Variants in AKAP1 observed in about 807,000 individuals in gnomAD.
The protein encoded by AKAP1 is A-kinase anchoring protein 1.
A neutral mutation model predicts 79.8 loss-of-function variants in AKAP1; 32 were observed. The observed-to-expected ratio is 0.40, with a 90% CI of 0.30 to 0.54. The LOEUF is 0.54. Among genes scored for constraint, AKAP1 ranks in the 20% least tolerant of loss-of-function variants. The pLI is 0.47. For missense variants in AKAP1, 961 were observed against 1,138.9 expected (o/e 0.84, Z 2.25); for synonymous variants, 416 against 466.7 (o/e 0.89, Z 1.40).
rs1914826333 is a variant in AKAP1, at chr17:57,105,940, G to C, written c.476G>C (p.Ser159Thr). Residue 159 changes from serine to threonine, a missense_variant, in exon 2 of 11, where the codon AGC becomes ACC. Physicochemically the swap from Ser to Thr is moderately conservative, Grantham distance 58. Transcript: ENST00000337714. ...TCCCCAAAGGGTGTACTATTCTCCAGCAAATCAGCTGAGGTGTGTAAGCAA... is the reference window on the plus strand; with the variant it reads ...TCCCCAAAGGGTGTACTATTCTCCACCAAATCAGCTGAGGTGTGTAAGCAA... ...LSSPKGVLFS[S>T]KSAEVCKQDS... 1 of 1,614,122 alleles carries C rather than the reference G, an allele frequency of 6.2e-7. No individual in the cohort carries two copies. The highest frequency in any genetic ancestry group is 1.3e-5 in the African/African-American group (1 of 74,952).
At position 57,086,070 on chromosome 17, in the gene AKAP1, T is replaced by G. The variant is rs1232208158; in HGVS notation, c.-25+672T>G. On this transcript the variant is annotated intron_variant, in intron 1 of 10. Coordinates refer to ENST00000337714, the MANE Select transcript of AKAP1 (RefSeq NM_003488.4). The surrounding 1 kb of genome is among the most constrained non-coding windows in gnomAD (Gnocchi z 5.1). ...GGACCGTTCGAACCGAATTGGGGTC[T>G]GGAGGTCGGAGGCTCAGGGGCGTCT... is the stretch of plus-strand genomic sequence containing the variant. The G allele has an allele frequency of 4.3e-6, 1 of 231,240 alleles. No individual in the cohort carries two copies. Among genetic ancestry groups the G allele is most frequent in the African/African-American group, 2.4e-5 (1 of 41,744 alleles). 14.3% of individuals were successfully genotyped at this position (231,240 alleles called of 1,614,324 possible). A position where few individuals can be genotyped will look rare whatever the true frequency, so the allele number is the denominator to read the frequency against.
In AKAP1 at chr17:57,106,545, G is replaced by A. The variant is rs781671727; in HGVS notation, c.1081G>A (p.Glu361Lys). Residue 361 changes from glutamate to lysine, a missense_variant, in exon 2 of 11, where the codon GAA becomes AAA. Transcript: ENST00000337714. ...CTCCCAAGTGATCTCAGAAGCAACC[G>A]AACAGGTGCTGGCCACCACGGTTGG... is the stretch of plus-strand genomic sequence containing the variant. Reference protein sequence around the residue: ...IISQVISEATEQVLATTVGKV... With the variant: ...IISQVISEATKQVLATTVGKV... 9 of 1,614,174 alleles carry A rather than the reference G, an allele frequency of 5.6e-6. No homozygotes were observed. Among genetic ancestry groups the A allele is most frequent in the African/African-American group, 4.0e-5 (3 of 75,022 alleles).
intron 10 of AKAP1, among the ~76,000 whole-genome samples, chr17:57,119,714 C>CA (rs1437943101): frequency 6.7e-6 from 1 of 149,530 alleles, no homozygotes; most frequent in Non-Finnish European, 1.5e-5. Context: ...GACTCTGTCT[C>CA]AAAAAACAAA....
chr17:57,103,606 C>G (rs1187425652), intron 1 of AKAP1, among the ~76,000 whole-genome samples: 2 of 152,194 alleles, frequency 1.3e-5, no homozygotes, highest in African/African-American at 4.8e-5. Context: ...GTTGTTAAAA[C>G]ATGTGCATTT....
At chr17:57,097,158 G>T (rs1200210950) in intron 1 of AKAP1, among the ~76,000 whole-genome samples, 1 of 152,090 alleles carries the variant, frequency 6.6e-6, no homozygotes, top group African/African-American at 2.4e-5. Flanking sequence ...TCCCTCCCAT[G>T]CCCAAAGATA....
chr17:57,088,697 T>C (rs558470985), intron 1 of AKAP1, among the ~76,000 whole-genome samples: 1 of 152,366 alleles, frequency 6.6e-6, no homozygotes, highest in Admixed American at 6.5e-5. Context: ...GTGTGTGTTA[T>C]CATTCAGCAT....
At chr17:57,094,031 T>TTCCTTCATTTTCTTCTTC (rs1913940501) in intron 1 of AKAP1, 1 of 152,006 alleles carries the variant, frequency 6.6e-6, no homozygotes, top group Non-Finnish European at 1.5e-5. Flanking sequence ...ATTTCTTCTT[T>TTCCTTCATTTTCTTCTTC]TCCTTCATTT....
Position 57,114,578 on chromosome 17 carries a change from G to T in AKAP1, c.2223G>T (p.Gln741His). Reference protein sequence around the residue: ...PTFHALRSLDQQMYLCYSQPG... With the variant: ...PTFHALRSLDHQMYLCYSQPG... ...TCCACGCGCTGCGCAGCCTCGACCA[G>T]CAGATGTACCTCTGTTACTCTCAGC... The change falls in exon 6 of 11, where the codon CAG becomes CAT. Residue 741 changes from glutamine to histidine, a missense_variant. Transcript: ENST00000337714. 1 of 1,614,206 alleles carries T rather than the reference G, an allele frequency of 6.2e-7. No homozygotes were observed. The highest frequency in any genetic ancestry group is 8.5e-7 in the Non-Finnish European group (1 of 1,180,036).
At chr17:57,104,709 G>T (rs560451191) in intron 1 of AKAP1, among the ~76,000 whole-genome samples, 107 of 152,362 alleles carry the variant, frequency 7.0e-4, no homozygotes, top group African/African-American at 2.5e-3. Flanking sequence ...GTAGTCCAGG[G>T]AAAGATCAGA....
intron 6 of AKAP1, among the ~76,000 whole-genome samples, chr17:57,115,425 A>C (rs1915521394): frequency 6.6e-6 from 1 of 152,198 alleles, no homozygotes; most frequent in South Asian, 2.1e-4. Context: ...GTTCTCTCCA[A>C]GGGTCAGGAC....
rs1720623979 is a variant in AKAP1, at chr17:57,121,122, C to T, written c.*798C>T. The T allele has an allele frequency of 6.6e-6, 1 of 152,364 alleles. No individual in the cohort carries two copies. The highest frequency in any genetic ancestry group is 2.4e-5 in the African/African-American group (1 of 41,428). 9.4% of individuals were successfully genotyped at this position (152,364 alleles called of 1,614,324 possible). ...TGCAGTGCAGCTTCTGCTCTTGGCC[C>T]CTCTGGCCAGGGCCCCTGTGGCTTC... On this transcript the variant is annotated 3_prime_UTR_variant, in exon 11 of 11. Transcript: ENST00000337714.
chr17:57,120,460 T>G lies in AKAP1; in HGVS notation c.*136T>G. The G allele has an allele frequency of 1.5e-6, 1 of 688,134 alleles. No individual in the cohort carries two copies. The highest frequency in any genetic ancestry group is 2.4e-6 in the Non-Finnish European group (1 of 416,976). The allele number at this position is 688,134 out of a possible 1,614,324, so 42.6% of individuals were successfully genotyped here. On this transcript the variant is annotated 3_prime_UTR_variant, in exon 11 of 11. Coordinates refer to ENST00000337714, the MANE Select transcript of AKAP1 (RefSeq NM_003488.4). ...TTCTTTCTCCATACTGTAGTCCTAT[T>G]GAGAAGACATTTCGTCTCTGAGAAA...
At chr17:57,104,377 AC>A in intron 1 of AKAP1, among the ~76,000 whole-genome samples, 1 of 152,316 alleles carries the variant, frequency 6.6e-6, no homozygotes, top group East Asian at 1.9e-4. Context: ...AGTCCAGACT[AC>A]GCAGTGGGGC....
At position 57,086,160 on chromosome 17, in the gene AKAP1, G is replaced by GGGT; in HGVS notation, c.-25+764_-25+766dup. The stretch of plus-strand genomic sequence containing the variant: ...GGAGGGGTGGAGGCCGTCCAGCCTG[G>GGGT]GGTGTCTGCCGACCTCACGCCCGGG... On this transcript the variant is annotated intron_variant, in intron 1 of 10. Coordinates refer to ENST00000337714, the MANE Select transcript of AKAP1 (RefSeq NM_003488.4). The surrounding 1 kb of genome is among the most constrained non-coding windows in gnomAD (Gnocchi z 5.1). The GGGT allele has an allele frequency of 3.1e-6, 1 of 324,164 alleles. No homozygotes were observed. The highest frequency in any genetic ancestry group is 6.0e-6 in the Non-Finnish European group (1 of 165,508). 20.1% of individuals were successfully genotyped at this position (324,164 alleles called of 1,614,324 possible). A position where few individuals can be genotyped will look rare whatever the true frequency, so the allele number is the denominator to read the frequency against.
At chr17:57,100,836 C>A (rs1446061011) in intron 1 of AKAP1, among the ~76,000 whole-genome samples, 1 of 152,036 alleles carries the variant, frequency 6.6e-6, no homozygotes, top group East Asian at 1.9e-4. Context: ...TTTTTTCCAG[C>A]CAGACCAACA....
Position 57,106,673 on chromosome 17 carries a change from G to T in AKAP1, c.1209G>T (p.Ala403=). 1 of 1,614,050 alleles carries T rather than the reference G, an allele frequency of 6.2e-7. No individual in the cohort carries two copies. Among genetic ancestry groups the T allele is most frequent in the Non-Finnish European group, 8.5e-7 (1 of 1,180,044 alleles). Residue 403 remains alanine, a synonymous_variant, in exon 2 of 11, where the codon GCG becomes GCT. Transcript: ENST00000337714. The stretch of plus-strand genomic sequence containing the variant: ...AAACTGTCTTGGGCCCAGACACTGC[G>T]GAGCCTGCCACAGCAGAGGCAGCTG... The part of the protein sequence containing the change: ...HQKTVLGPDT[A]EPATAEAAVA...
Position 57,118,968 on chromosome 17 carries a change from C to T in AKAP1, c.2575-14C>T, listed in dbSNP as rs369080862. The T allele has an allele frequency of 3.2e-5, 51 of 1,611,858 alleles. No individual in the cohort carries two copies. In the South Asian group the frequency reaches 4.0e-4, roughly 13 times the overall value. On this transcript the variant is annotated splice_polypyrimidine_tract_variant and intron_variant, in intron 9 of 10. Transcript: ENST00000337714. ...AAACCTAACCATATTATTCTTTCCACCCCCCTTCTTCAGGTGACAAGTTAC... is the reference window on the plus strand; with the variant it reads ...AAACCTAACCATATTATTCTTTCCATCCCCCTTCTTCAGGTGACAAGTTAC...
chr17:57,118,177 C>G lies in AKAP1; in HGVS notation c.2501-204C>G, dbSNP rs116649669. On this transcript the variant is annotated intron_variant, in intron 8 of 10. Transcript: ENST00000337714. Reference sequence around the variant, plus strand: ...CTGTGCTGCACCAGTGGGCAACATGCAGTAGCGGCCCTTAGTTTATCCACT... The same window carrying G: ...CTGTGCTGCACCAGTGGGCAACATGGAGTAGCGGCCCTTAGTTTATCCACT... Among the ~76,000 whole-genome samples, 469 of 152,224 alleles carry G rather than the reference C, an allele frequency of 3.1e-3. 3 individuals carry two copies. The highest frequency in any genetic ancestry group is 0.011 in the African/African-American group (450 of 41,534).
At chr17:57,118,908 A>G in intron 9 of AKAP1, 74 bp from the exon 10 acceptor site, 1 of 1,503,744 alleles carries the variant, frequency 6.7e-7, no homozygotes, top group Admixed American at 1.7e-5. Context: ...GATTATGGAG[A>G]TGACAATTCA....
Sources: gnomAD v4.1 joint callset for allele counts (sites outside exome capture counted in the v4.1 genomes callset) on GRCh38, gnomAD v4.1.1 for gene constraint, Gnocchi (gnomAD v3.1) non-coding constraint, MANE v1.5 for transcripts, NCBI Gene and HGNC (gene_info 2026-07-23, HGNC 2026-07-21) for gene names.